The following PDK4 variants were observed in gnomAD, a reference collection of about 807,000 sequenced individuals.
PDK4 encodes the protein pyruvate dehydrogenase kinase 4, also known as pyruvate dehydrogenase kinase, isozyme 4.
Under a neutral mutation model 51.7 loss-of-function variants are expected in PDK4, and 43 were observed. The observed-to-expected ratio is 0.83, with a 90% CI of 0.65 to 1.07. PDK4 has a LOEUF of 1.07. Ranked by LOEUF, PDK4 falls within the 50% of genes least tolerant of loss-of-function variation. The pLI, the probability that PDK4 is intolerant of heterozygous loss-of-function variation, is 0.00. For synonymous variants in PDK4, 170 were observed against 176.6 expected (o/e 0.96, Z 0.30); for missense variants, 498 against 503.5 (o/e 0.99, Z 0.10).
At chr7:95,593,859 A>G in intron 2 of PDK4, 89 bp from the exon 3 acceptor site, 1 of 548,260 alleles carries the variant, frequency 1.8e-6, no homozygotes. Flanking sequence ...AATAATTTGA[A>G]AAGAGAAAGT....
Position 95,587,126 on chromosome 7 carries a change from A to G in PDK4, c.982-3T>C, listed in dbSNP as rs1791493233. 2 of 1,541,770 alleles carry G rather than the reference A, an allele frequency of 1.3e-6. No individual in the cohort carries two copies. Among genetic ancestry groups the G allele is most frequent in the East Asian group, 4.5e-5 (2 of 44,208 alleles). ...GGCAAGCCGTAACCAAAACCAGCCT[A>G]GAGAAGAGAGACGTTATCAGGTAAA... On this transcript the variant is annotated splice_polypyrimidine_tract_variant and splice_region_variant and intron_variant, in intron 9 of 10. Transcript: ENST00000005178.
At chr7:95,593,189 A>G (rs905250421) in intron 3 of PDK4, among the ~76,000 whole-genome samples, 8 of 152,106 alleles carry the variant, frequency 5.3e-5, no homozygotes, top group African/African-American at 1.9e-4. Context: ...CTTATAACCA[A>G]TGCATTCATC....
chr7:95,592,122 T>A, intron 5 of PDK4, 57 bp from the exon 6 acceptor site: 1 of 911,064 alleles, frequency 1.1e-6, no homozygotes, highest in East Asian at 2.7e-5. Flanking sequence ...AGTACAGTTC[T>A]CAAATAATCT....
At chr7:95,590,341 A>G (rs1791537047) in intron 6 of PDK4, among the ~76,000 whole-genome samples, 1 of 152,194 alleles carries the variant, frequency 6.6e-6, no homozygotes, top group African/African-American at 2.4e-5. Flanking sequence ...CAAACATTAA[A>G]TCTTATATGT....
chr7:95,592,130 T>C (rs1449889783), intron 5 of PDK4, 65 bp from the exon 6 acceptor site: 1 of 823,932 alleles, frequency 1.2e-6, no homozygotes, highest in Non-Finnish European at 2.0e-6. Context: ...TCTCAAATAA[T>C]CTTCAGTGTC....
intron 7 of PDK4, among the ~76,000 whole-genome samples, chr7:95,588,724 A>C (rs1357568486): frequency 6.6e-6 from 1 of 152,228 alleles, no homozygotes; most frequent in African/African-American, 2.4e-5. Context: ...TCTCCAATTC[A>C]GGGGACTCTT....
At position 95,596,385 on chromosome 7, in the gene PDK4, G is replaced by A. The variant is rs1017939246; in HGVS notation, c.-92C>T. On this transcript the variant is annotated 5_prime_UTR_variant, in exon 1 of 11. In the 5' UTR this introduces an upstream ATG that the reference lacks. Coordinates refer to ENST00000005178, the MANE Select transcript of PDK4 (RefSeq NM_002612.4). ...GCCTGGTTCCGAGGGGGCGCGGCGC[G>A]TCCGGGCGAGGACTGCAGGTGCGCT... 6.5e-5 allele frequency: 91 copies of A among 1,392,584 alleles called. No individual in the cohort carries two copies. The highest frequency in any genetic ancestry group is 1.6e-4 in the Admixed American group (5 of 31,958). The allele number at this position is 1,392,584 out of a possible 1,614,324, so 86.3% of individuals were successfully genotyped here. A position where few individuals can be genotyped will look rare whatever the true frequency, so the allele number is the denominator to read the frequency against.
At chr7:95,589,833 C>A in intron 6 of PDK4, 117 bp from the exon 7 acceptor site, 1 of 638,268 alleles carries the variant, frequency 1.6e-6, no homozygotes, top group South Asian at 2.1e-5. Flanking sequence ...TCTACCTTCC[C>A]CATCCCCAAA....
At chr7:95,593,642 G>T in intron 3 of PDK4, 57 bp downstream of exon 3, 1 of 806,152 alleles carries the variant, frequency 1.2e-6, no homozygotes, top group South Asian at 1.4e-5. Flanking sequence ...AATATCTTAG[G>T]AATCTATCTG....
At chr7:95,590,221 G>T (rs1234845214) in intron 6 of PDK4, among the ~76,000 whole-genome samples, 1 of 152,082 alleles carries the variant, frequency 6.6e-6, no homozygotes, top group Non-Finnish European at 1.5e-5. Context: ...AGACAGAAGG[G>T]AGAAAACTGT....
rs572878455 is a variant in PDK4 at position 95,585,616 on chromosome 7, C to T, written c.*25G>A. On this transcript the variant is annotated 3_prime_UTR_variant, in exon 11 of 11. Coordinates refer to ENST00000005178, the MANE Select transcript of PDK4 (RefSeq NM_002612.4). Reference sequence around the variant, plus strand: ...CACTGGTGTAGACCCACTTTGATCCCGTAAAGTGTCCTGAGTGTCCCTCTT... The same window carrying T: ...CACTGGTGTAGACCCACTTTGATCCTGTAAAGTGTCCTGAGTGTCCCTCTT... The T allele has an allele frequency of 2.3e-5, 36 of 1,588,410 alleles. No homozygotes were observed. Among genetic ancestry groups the T allele is most frequent in the African/African-American group, 5.4e-5 (4 of 74,624 alleles).
intron 6 of PDK4, 47 bp downstream of exon 6, chr7:95,591,941 A>C: frequency 6.3e-6 from 6 of 958,518 alleles, no homozygotes; most frequent in Non-Finnish European, 9.6e-6. Context: ...ATATTAGGAG[A>C]ACACAGAATT....
chr7:95,593,202 A>T (rs79188608), intron 3 of PDK4, among the ~76,000 whole-genome samples: 4,502 of 152,120 alleles, frequency 0.03, 233 homozygotes, highest in African/African-American at 0.1. Flanking sequence ...CATTCATCAG[A>T]TGTATTCATT....
intron 7 of PDK4, 57 bp downstream of exon 7, chr7:95,589,583 A>C: frequency 1.2e-6 from 1 of 864,834 alleles, no homozygotes; most frequent in Non-Finnish European, 1.9e-6. Context: ...GGAGATAAAA[A>C]TATAACTGTT....
At chr7:95,592,458 C>A in intron 5 of PDK4, 53 bp downstream of exon 5, 1 of 977,040 alleles carries the variant, frequency 1.0e-6, no homozygotes, top group Non-Finnish European at 1.7e-6. Flanking sequence ...ATAGATATGT[C>A]AATCATATAT....
At chr7:95,588,978 A>C (rs966183613) in intron 7 of PDK4, among the ~76,000 whole-genome samples, 2 of 152,242 alleles carry the variant, frequency 1.3e-5, no homozygotes, top group African/African-American at 4.8e-5. Context: ...GGCGATTCTA[A>C]TGCATATTAC....
At chr7:95,585,854 C>G in intron 10 of PDK4, 73 bp from the exon 11 acceptor site, 1 of 1,302,540 alleles carries the variant, frequency 7.7e-7, no homozygotes, top group Non-Finnish European at 1.1e-6. Flanking sequence ...GAAGTTATTA[C>G]TCAAAATACA....
In PDK4 at chr7:95,585,637, C is replaced by T. The variant is rs773242959; in HGVS notation, c.*4G>A. The T allele has an allele frequency of 6.2e-7, 1 of 1,607,198 alleles. No individual in the cohort carries two copies. Among genetic ancestry groups the T allele is most frequent in the Admixed American group, 1.7e-5 (1 of 59,918 alleles). On this transcript the variant is annotated 3_prime_UTR_variant, in exon 11 of 11. Transcript: ENST00000005178. ...ATCCCGTAAAGTGTCCTGAGTGTCC[C>T]TCTTCACATGGCCACTTCTTTTGCC...
rs748329290 is a variant in PDK4 at position 95,592,827 on chromosome 7, A to G, written c.462T>C (p.Asn154=). The G allele has an allele frequency of 6.2e-7, 1 of 1,613,332 alleles. No individual in the cohort carries two copies. Among genetic ancestry groups the G allele is most frequent in the Non-Finnish European group, 8.5e-7 (1 of 1,179,474 alleles). The part of the protein sequence containing the change: ...ACTVDPVTNQ[N]LQYFLDRFYM... ...AAAATCGATCCAAGAAATATTGAAG[A>G]TTTTGATTGGTGACTGGGTCAACTG... Residue 154 remains asparagine (N), a synonymous_variant, in exon 4 of 11, where the codon AAT becomes AAC. Coordinates refer to ENST00000005178, the MANE Select transcript of PDK4 (RefSeq NM_002612.4).
Sources: gnomAD v4.1 joint callset for allele counts (sites outside exome capture counted in the v4.1 genomes callset) on GRCh38, gnomAD v4.1.1 for gene constraint, MANE v1.5 for transcripts, NCBI Gene and HGNC (gene_info 2026-07-23, HGNC 2026-07-21) for gene names.